Variants in RBFOX3 observed in about 807,000 individuals in gnomAD.
The protein encoded by RBFOX3 is RNA binding protein fox-1 homolog 3.
In RBFOX3, 17 loss-of-function variants were observed where a neutral mutation model predicts 48.7. The observed-to-expected ratio is 0.35, with a 90% CI of 0.24 to 0.52. RBFOX3 has a LOEUF of 0.52. RBFOX3 is among the 20% of genes least tolerant of loss of function. RBFOX3 has a pLI of 0.94. For missense variants in RBFOX3, 382 were observed against 497.5 expected (o/e 0.77, Z 2.21); for synonymous variants, 212 against 209.5 (o/e 1.01, Z -0.10).
chr17:79,355,267 C>G (rs1285978352), intron 2 of RBFOX3, among the ~76,000 whole-genome samples: 2 of 152,224 alleles, frequency 1.3e-5, no homozygotes, highest in Admixed American at 1.3e-4. Context: ...TCTGAACAAG[C>G]ATGTGAAGCC....
chr17:79,538,277 C>T (rs753646694), intron 1 of RBFOX3, among the ~76,000 whole-genome samples: 4 of 152,216 alleles, frequency 2.6e-5, no homozygotes, highest in Non-Finnish European at 4.4e-5. Context: ...GCCTGGCACA[C>T]AGCAGGAACT....
intron 2 of RBFOX3, among the ~76,000 whole-genome samples, chr17:79,448,962 T>C (rs1431125481): frequency 9.2e-5 from 14 of 152,046 alleles, no homozygotes; most frequent in Non-Finnish European, 1.0e-4. Flanking sequence ...TCCTGGGCAC[T>C]AGAAGGGTCA....
chr17:79,122,570 G>C (rs2036040162), intron 4 of RBFOX3, among the ~76,000 whole-genome samples: 1 of 152,244 alleles, frequency 6.6e-6, no homozygotes, highest in Admixed American at 6.5e-5. Flanking sequence ...TACTGGCGAG[G>C]ATGTGGAGAA....
intron 3 of RBFOX3, among the ~76,000 whole-genome samples, chr17:79,277,786 G>C (rs947760841): frequency 2.6e-5 from 4 of 152,240 alleles, no homozygotes; most frequent in African/African-American, 9.6e-5. Context: ...AGAGGATGGG[G>C]CAAGCCAGAA....
chr17:79,436,199 G>A (rs953748093), intron 2 of RBFOX3, among the ~76,000 whole-genome samples: 4 of 152,224 alleles, frequency 2.6e-5, no homozygotes, highest in Non-Finnish European at 5.9e-5. Context: ...CTGTGCAAAC[G>A]TACAGGACAT....
intron 2 of RBFOX3, among the ~76,000 whole-genome samples, chr17:79,316,543 A>G (rs2077566830): frequency 6.6e-6 from 1 of 152,200 alleles, no homozygotes; most frequent in African/African-American, 2.4e-5. Context: ...AACGTGAGAA[A>G]GGGAAGGGAG....
chr17:79,300,537 G>A (rs1028271232), intron 3 of RBFOX3, among the ~76,000 whole-genome samples: 1 of 152,204 alleles, frequency 6.6e-6, no homozygotes, highest in Non-Finnish European at 1.5e-5. Context: ...ATCTGTGTGG[G>A]TTAAATAAGC....
intron 1 of RBFOX3, among the ~76,000 whole-genome samples, chr17:79,593,072 C>T (rs1163970441): frequency 3.3e-5 from 5 of 152,206 alleles, no homozygotes; most frequent in East Asian, 1.9e-4. Flanking sequence ...TTGCCACTCT[C>T]GGGGGACAGA....
chr17:79,392,206 T>G lies in RBFOX3; in HGVS notation c.-174-84382A>C, dbSNP rs2061454930. On this transcript the variant is annotated intron_variant, in intron 2 of 14. Coordinates refer to ENST00000693108, the MANE Select transcript of RBFOX3 (RefSeq NM_001350451.2). The surrounding 1 kb of genome is among the most constrained non-coding windows in gnomAD (Gnocchi z 5.0). ...CTGGGGCAGCCTCCTCACCCCCGTC[T>G]CTTTTCTCAGTGGTTAGTTATGCCA... is the stretch of plus-strand genomic sequence containing the variant. Among the ~76,000 whole-genome samples the G allele has an allele frequency of 6.6e-6, 1 of 152,100 alleles. No homozygotes were observed. The highest frequency in any genetic ancestry group is 1.5e-5 in the Non-Finnish European group (1 of 68,024).
At position 79,510,779 on chromosome 17, in the gene RBFOX3, G is replaced by A. The variant is rs991655424; in HGVS notation, c.-319-28181C>T. Among the ~76,000 whole-genome samples, 81 of 152,254 alleles carry A rather than the reference G, an allele frequency of 5.3e-4. No homozygotes were observed. The East Asian group carries it at 0.013, about 24-fold the overall frequency. On this transcript the variant is annotated intron_variant, in intron 1 of 14. Transcript: ENST00000693108. Reference sequence around the variant, plus strand: ...CGTCACCAAACTTTTTCCTTTGGGCGCCTCCCTTGCTGGCCAGGCACAGTG... The same window carrying A: ...CGTCACCAAACTTTTTCCTTTGGGCACCTCCCTTGCTGGCCAGGCACAGTG...
At chr17:79,184,012 C>T (rs1464276149) in intron 4 of RBFOX3, among the ~76,000 whole-genome samples, 3 of 152,222 alleles carry the variant, frequency 2.0e-5, no homozygotes, top group Admixed American at 6.5e-5. Context: ...GCCGCTCCGC[C>T]GGCTCTGCGG....
In RBFOX3 at chr17:79,094,528, A is replaced by G; in HGVS notation, c.1000T>C (p.Tyr334His). Residue 334 changes from tyrosine (Y) to histidine (H), a missense_variant and splice_region_variant, in exon 14 of 15, where the codon TAC (tyrosine) becomes CAC (histidine). This residue lies in a region of RBFOX3 where 215 missense variants were observed against 254.8 expected (regional missense o/e 0.84). Coordinates refer to ENST00000693108, the MANE Select transcript of RBFOX3 (RefSeq NM_001350451.2). ...AAAAAAYSDSYGRVYAAADPY... is the reference protein window; with the variant it reads ...AAAAAAYSDSHGRVYAAADPY... ...TCGGCAGCTGCGTAGACTCTGCCGT[A>G]ACTAGGGAAGAGCGTGGGAGGGGGA... The G allele has an allele frequency of 8.1e-7, 1 of 1,237,380 alleles. No homozygotes were observed. The highest frequency in any genetic ancestry group is 1.0e-6 in the Non-Finnish European group (1 of 966,642). The allele number at this position is 1,237,380 out of a possible 1,614,324, so 76.7% of individuals were successfully genotyped here.
At chr17:79,470,834 C>A (rs142849855) in intron 2 of RBFOX3, among the ~76,000 whole-genome samples, 23 of 152,208 alleles carry the variant, frequency 1.5e-4, no homozygotes, top group African/African-American at 5.1e-4. Flanking sequence ...TGGCAACACA[C>A]GCCCAGTCCC....
chr17:79,619,851 A>G, the RBFOX3 span, among the ~76,000 whole-genome samples: 4 of 152,176 alleles, frequency 2.6e-5, no homozygotes, highest in Admixed American at 2.6e-4. Context: ...ATCCTTTTCA[A>G]CAGCAACCAA....
At chr17:79,593,978 C>T (rs1244717133) in intron 1 of RBFOX3, among the ~76,000 whole-genome samples, 1 of 152,198 alleles carries the variant, frequency 6.6e-6, no homozygotes, top group African/African-American at 2.4e-5. Flanking sequence ...ACTCGCTCTC[C>T]TCCCTCTTCC....
At chr17:79,571,477 G>A (rs2092675839) in intron 1 of RBFOX3, among the ~76,000 whole-genome samples, 1 of 151,966 alleles carries the variant, frequency 6.6e-6, no homozygotes, top group African/African-American at 2.4e-5. Context: ...TAAAAGAAGT[G>A]TCATAAGTGT....
At chr17:79,359,082 T>A (rs1326239736) in intron 2 of RBFOX3, among the ~76,000 whole-genome samples, 1 of 152,156 alleles carries the variant, frequency 6.6e-6, no homozygotes, top group African/African-American at 2.4e-5. Context: ...CATCAACACA[T>A]CCTGTAATCC....
At chr17:79,578,493 C>T (rs961025548) in intron 1 of RBFOX3, among the ~76,000 whole-genome samples, 1 of 152,260 alleles carries the variant, frequency 6.6e-6, no homozygotes, top group African/African-American at 2.4e-5. Context: ...ACCCACTCAA[C>T]CCCTGATGGG....
intron 1 of RBFOX3, among the ~76,000 whole-genome samples, chr17:79,496,179 C>T (rs947805257): frequency 2.0e-5 from 3 of 151,952 alleles, no homozygotes; most frequent in Non-Finnish European, 4.4e-5. Flanking sequence ...TGAGGGCTTC[C>T]GGGAGTTCAG....
Sources: allele counts gnomAD v4.1 joint callset (sites outside exome capture counted in the v4.1 genomes callset), GRCh38; gene constraint gnomAD v4.1.1; regional missense constraint gnomAD v4.1.1; non-coding constraint Gnocchi (gnomAD v3.1); transcripts MANE v1.5; gene names NCBI Gene and HGNC (gene_info 2026-07-23, HGNC 2026-07-21).